The following CACNA2D3 variants were observed in gnomAD, a reference collection of about 807,000 sequenced individuals.
CACNA2D3 encodes voltage-dependent calcium channel subunit alpha-2/delta-3.
Under a neutral mutation model 160.6 loss-of-function variants are expected in CACNA2D3, and 60 were observed. That is an observed-to-expected ratio of 0.37 (90% CI 0.30 to 0.46). The LOEUF (loss-of-function observed/expected upper bound fraction) is 0.46. Among genes scored for constraint, CACNA2D3 ranks in the 20% least tolerant of loss-of-function variants. The pLI is 1.00. For missense variants in CACNA2D3, 1,205 were observed against 1,365.0 expected, an observed-to-expected ratio of 0.88 and a Z score of 1.85; for synonymous variants, 558 against 492.9, an observed-to-expected ratio of 1.13 and a Z score of -1.75.
chr3:54,480,679 A>T (rs1008262866), intron 4 of CACNA2D3, among the ~76,000 whole-genome samples: 4 of 152,056 alleles, frequency 2.6e-5, no homozygotes, highest in Non-Finnish European at 5.9e-5. Context: ...CCTTCTAGAG[A>T]TATTTCTATT....
intron 11 of CACNA2D3, among the ~76,000 whole-genome samples, chr3:54,713,199 A>G (rs1489137314): frequency 2.0e-5 from 3 of 152,202 alleles, no homozygotes; most frequent in Non-Finnish European, 4.4e-5. Context: ...TTGAGGAAGC[A>G]TCTGATGCTA....
At chr3:54,656,678 C>T (rs922976737) in intron 11 of CACNA2D3, among the ~76,000 whole-genome samples, 1 of 152,240 alleles carries the variant, frequency 6.6e-6, no homozygotes, top group Non-Finnish European at 1.5e-5. Context: ...CACTCCCTGA[C>T]ACCCTGCTAC....
intron 4 of CACNA2D3, among the ~76,000 whole-genome samples, chr3:54,424,774 T>C (rs1019367672): frequency 1.3e-5 from 2 of 152,184 alleles, no homozygotes; most frequent in African/African-American, 2.4e-5. Context: ...CCCCACATCC[T>C]GTATTTCCCA....
intron 2 of CACNA2D3, among the ~76,000 whole-genome samples, chr3:54,184,176 G>A (rs1473538967): frequency 6.6e-6 from 1 of 152,166 alleles, no homozygotes; most frequent in Non-Finnish European, 1.5e-5. Context: ...AGTGATCAGA[G>A]ATTCAGGCTG....
chr3:54,604,701 T>G (rs762715145), intron 9 of CACNA2D3, among the ~76,000 whole-genome samples: 6 of 152,158 alleles, frequency 3.9e-5, no homozygotes, highest in Non-Finnish European at 7.3e-5. Flanking sequence ...ATTCTCTGTT[T>G]CCTGAATCTT....
chr3:54,232,381 G>A (rs368530727), intron 2 of CACNA2D3, among the ~76,000 whole-genome samples: 15 of 152,164 alleles, frequency 9.9e-5, no homozygotes, highest in South Asian at 4.1e-4. Flanking sequence ...AAGAGTGTGA[G>A]TGTCAGTTGT....
At chr3:54,720,732 A>G (rs1321160099) in intron 11 of CACNA2D3, among the ~76,000 whole-genome samples, 1 of 152,120 alleles carries the variant, frequency 6.6e-6, no homozygotes, top group Admixed American at 6.5e-5. Context: ...GTTCTGCTTA[A>G]CATTTCAGCT....
intron 2 of CACNA2D3, among the ~76,000 whole-genome samples, chr3:54,162,029 C>G (rs533329026): frequency 1.3e-5 from 2 of 152,244 alleles, no homozygotes; most frequent in South Asian, 4.2e-4. Flanking sequence ...AGTGCTCTTC[C>G]CCAGAACTTG....
chr3:54,401,521 A>T (rs543830791), intron 4 of CACNA2D3, among the ~76,000 whole-genome samples: 1 of 152,332 alleles, frequency 6.6e-6, no homozygotes, highest in African/African-American at 2.4e-5. Context: ...CAGGTCACAT[A>T]TAAGGGAAAT....
chr3:54,889,166 A>C (rs1399187955), intron 24 of CACNA2D3, among the ~76,000 whole-genome samples: 3 of 152,222 alleles, frequency 2.0e-5, no homozygotes, highest in African/African-American at 7.2e-5. Context: ...TCAGAGGATG[A>C]GGCTGCAGAG....
At chr3:54,358,512 G>A (rs955870350) in intron 3 of CACNA2D3, among the ~76,000 whole-genome samples, 1 of 152,212 alleles carries the variant, frequency 6.6e-6, no homozygotes, top group Non-Finnish European at 1.5e-5. Context: ...AAATTAGGAT[G>A]ATAATGCCTG....
At chr3:54,513,657 A>G (rs902299874) in intron 5 of CACNA2D3, among the ~76,000 whole-genome samples, 1 of 151,688 alleles carries the variant, frequency 6.6e-6, no homozygotes, top group Non-Finnish European at 1.5e-5. Context: ...TCAGCTAGCT[A>G]TGTCATGCCT....
intron 4 of CACNA2D3, among the ~76,000 whole-genome samples, chr3:54,420,005 A>G (rs1333331827): frequency 6.6e-6 from 1 of 152,024 alleles, no homozygotes; most frequent in African/African-American, 2.4e-5. Flanking sequence ...ACCTCAGGTG[A>G]TCCACCCGCC....
intron 14 of CACNA2D3, among the ~76,000 whole-genome samples, chr3:54,826,942 A>G (rs563399578): frequency 3.3e-4 from 50 of 152,356 alleles, no homozygotes; most frequent in African/African-American, 1.2e-3. Flanking sequence ...TGCACTTGTC[A>G]GATGTCCCAG....
At chr3:54,591,126 AC>A (rs1225556713) in intron 9 of CACNA2D3, among the ~76,000 whole-genome samples, 1 of 152,208 alleles carries the variant, frequency 6.6e-6, no homozygotes, top group Non-Finnish European at 1.5e-5. Flanking sequence ...TTTAGGACTT[AC>A]TTAATGGCAT....
chr3:54,553,147 A>G (rs1330046452), intron 5 of CACNA2D3, among the ~76,000 whole-genome samples: 2 of 152,232 alleles, frequency 1.3e-5, no homozygotes, highest in Non-Finnish European at 2.9e-5. Context: ...CATGTCTAGC[A>G]TATCACTAAG....
Position 54,125,893 on chromosome 3 carries a change from C to G in CACNA2D3, c.204+2299C>G, listed in dbSNP as rs1292635507. On this transcript the variant is annotated intron_variant, in intron 2 of 37. Coordinates refer to ENST00000474759, the MANE Select transcript of CACNA2D3 (RefSeq NM_018398.3). ...TCCATTTGCATGAGGAATTACTCCT[C>G]TAAGTCAGAGCTCTGTGCACCCTGC... 2.0e-5 allele frequency among the ~76,000 whole-genome samples: 3 copies of G among 152,184 alleles called. No individual in the cohort carries two copies. The South Asian group carries it at 6.2e-4, about 32-fold the overall frequency.
Position 54,642,112 on chromosome 3 carries a change from T to C in CACNA2D3, c.1054-16T>C. 6.4e-7 allele frequency: 1 copy of C among 1,558,798 alleles called. No individual in the cohort carries two copies. The highest frequency in any genetic ancestry group is 1.2e-5 in the South Asian group (1 of 86,870). On this transcript the variant is annotated splice_polypyrimidine_tract_variant and intron_variant, in intron 10 of 37. Coordinates refer to ENST00000474759, the MANE Select transcript of CACNA2D3 (RefSeq NM_018398.3). ...CTCTGATATGTATACTATTTTGAAC[T>C]TATTTCTTTCCCTAGTTCAACCACA...
At chr3:54,821,705 C>CTTCCTTCCTTCT (rs1703604800) in intron 14 of CACNA2D3, among the ~76,000 whole-genome samples, 2 of 102,122 alleles carry the variant, frequency 2.0e-5, no homozygotes, top group Non-Finnish European at 2.2e-5. Context: ...TCTTTCCTTC[C>CTTCCTTCCTTCT]TTCCTTCTTT....
Sources: gnomAD v4.1 joint callset for allele counts (sites outside exome capture counted in the v4.1 genomes callset) on GRCh38, gnomAD v4.1.1 for gene constraint, MANE v1.5 for transcripts, NCBI Gene and HGNC (gene_info 2026-07-23, HGNC 2026-07-21) for gene names.